The following SLC25A21 variants were observed in gnomAD, a reference collection of about 807,000 sequenced individuals.
SLC25A21 encodes the protein solute carrier family 25 member 21.
SLC25A21 carries 47 observed loss-of-function variants against 43.8 expected under a neutral mutation model. The ratio of observed to expected loss-of-function variants is 1.07; its 90% CI spans 0.85 to 1.37. The LOEUF (loss-of-function observed/expected upper bound fraction) is 1.37. SLC25A21 is among the 40% of genes most tolerant of loss of function. The pLI is 0.00. For missense variants in SLC25A21, 352 were observed against 350.2 expected (o/e 1.00, Z -0.04); for synonymous variants, 131 against 121.3 (o/e 1.08, Z -0.52).
intron 1 of SLC25A21, among the ~76,000 whole-genome samples, chr14:37,040,369 GAGAGAGAAAGAA>G (rs1475050540): frequency 0.02 from 576 of 28,302 alleles, 108 homozygotes; most frequent in African/African-American, 0.11. Flanking sequence ...AAGAGAGAGA[GAGAGAGAAAGAA>G]AGAAAGAAAG....
chr14:37,028,048 T>C (rs1961130827), intron 1 of SLC25A21, among the ~76,000 whole-genome samples: 1 of 152,218 alleles, frequency 6.6e-6, no homozygotes, highest in Non-Finnish European at 1.5e-5. Flanking sequence ...ATATTTTAAC[T>C]TTAAAATGCT....
intron 1 of SLC25A21, among the ~76,000 whole-genome samples, chr14:36,958,018 G>A (rs1020042629): frequency 2.0e-5 from 3 of 152,122 alleles, no homozygotes; most frequent in African/African-American, 7.2e-5. Flanking sequence ...CTGGGTTCAC[G>A]TTAGCAGAAA....
intron 1 of SLC25A21, among the ~76,000 whole-genome samples, chr14:36,919,959 T>C (rs1478714925): frequency 6.6e-6 from 1 of 152,102 alleles, no homozygotes; most frequent in African/African-American, 2.4e-5. Flanking sequence ...TGTATATAGA[T>C]GTGTCCTGAA....
intron 1 of SLC25A21, among the ~76,000 whole-genome samples, chr14:37,058,204 A>G (rs2138808069): frequency 6.6e-6 from 1 of 152,372 alleles, no homozygotes; most frequent in East Asian, 1.9e-4. Context: ...TGTTGAAATA[A>G]GTTCAGAAAA....
intron 6 of SLC25A21, among the ~76,000 whole-genome samples, chr14:36,721,368 G>A (rs1884368025): frequency 6.6e-6 from 1 of 152,170 alleles, no homozygotes; most frequent in Admixed American, 6.5e-5. Context: ...TAGGAAATGT[G>A]AGGCTGTCAC....
intron 2 of SLC25A21, among the ~76,000 whole-genome samples, chr14:36,850,564 C>A (rs1889694728): frequency 6.6e-6 from 1 of 152,162 alleles, no homozygotes; most frequent in Non-Finnish European, 1.5e-5. Context: ...TCAGATTTGA[C>A]TGTCTTTTCT....
chr14:36,826,061 G>A (rs1272596824), intron 2 of SLC25A21, among the ~76,000 whole-genome samples: 1 of 152,226 alleles, frequency 6.6e-6, no homozygotes, highest in African/African-American at 2.4e-5. Flanking sequence ...TTGAATGCCT[G>A]CTCTGTACTG....
intron 1 of SLC25A21, among the ~76,000 whole-genome samples, chr14:37,077,198 G>A (rs1962298713): frequency 6.6e-6 from 1 of 152,082 alleles, no homozygotes; most frequent in African/African-American, 2.4e-5. Context: ...AACAAGCATT[G>A]ATAAAGTTTT....
intron 3 of SLC25A21, among the ~76,000 whole-genome samples, chr14:36,750,821 T>C (rs1885679463): frequency 6.6e-6 from 1 of 152,158 alleles, no homozygotes; most frequent in Admixed American, 6.5e-5. Flanking sequence ...TGCCAGGCAG[T>C]TCCCCAGGAA....
At chr14:37,166,241 G>T (rs1349579982) in intron 1 of SLC25A21, among the ~76,000 whole-genome samples, 2 of 152,172 alleles carry the variant, frequency 1.3e-5, no homozygotes, top group Non-Finnish European at 2.9e-5. Context: ...AATGGATGGA[G>T]AAGTAAAATA....
At chr14:36,886,547 A>G (rs1890918520) in intron 1 of SLC25A21, among the ~76,000 whole-genome samples, 1 of 152,200 alleles carries the variant, frequency 6.6e-6, no homozygotes, top group Non-Finnish European at 1.5e-5. Flanking sequence ...AACTCACTGA[A>G]GAATTTAGGG....
intron 1 of SLC25A21, among the ~76,000 whole-genome samples, chr14:37,046,924 G>A (rs1204285244): frequency 1.3e-5 from 2 of 152,156 alleles, no homozygotes; most frequent in Non-Finnish European, 2.9e-5. Context: ...CTCTGAGTCT[G>A]TCTTAAATAC....
intron 1 of SLC25A21, among the ~76,000 whole-genome samples, chr14:37,008,673 G>C (rs549044400): frequency 6.6e-6 from 1 of 152,310 alleles, no homozygotes; most frequent in South Asian, 2.1e-4. Flanking sequence ...AAGAGGTACA[G>C]CACTCACCAC....
intron 7 of SLC25A21, among the ~76,000 whole-genome samples, chr14:36,690,357 A>G (rs538557541): frequency 1.3e-5 from 2 of 152,184 alleles, no homozygotes; most frequent in Non-Finnish European, 2.9e-5. Context: ...AACAAACCCT[A>G]TGAGTTAGGC....
chr14:37,104,436 G>C (rs547681670), intron 1 of SLC25A21, among the ~76,000 whole-genome samples: 24 of 152,266 alleles, frequency 1.6e-4, no homozygotes, highest in African/African-American at 5.8e-4. Context: ...AACCAACTAA[G>C]ATAGGGAAAT....
At chr14:36,979,888 G>A (rs147786278) in intron 1 of SLC25A21, among the ~76,000 whole-genome samples, 215 of 152,204 alleles carry the variant, frequency 1.4e-3, no homozygotes, top group African/African-American at 4.9e-3. Context: ...CAATTTGTAA[G>A]ACCACAGAGA....
At chr14:37,165,612 T>C (rs1340600397) in intron 1 of SLC25A21, among the ~76,000 whole-genome samples, 2 of 151,944 alleles carry the variant, frequency 1.3e-5, no homozygotes, top group African/African-American at 4.8e-5. Context: ...GGAAGAAAAT[T>C]CAGTGTGGAC....
chr14:36,741,418 A>AATGCAT (rs1264295949), intron 3 of SLC25A21, among the ~76,000 whole-genome samples: 1 of 152,164 alleles, frequency 6.6e-6, no homozygotes, highest in Non-Finnish European at 1.5e-5. Flanking sequence ...TTAAAGAGAA[A>AATGCAT]ATGCATATAA....
intron 2 of SLC25A21, among the ~76,000 whole-genome samples, chr14:36,818,669 A>G (rs938293755): frequency 2.0e-5 from 3 of 152,308 alleles, no homozygotes; most frequent in Admixed American, 2.0e-4. Context: ...ATTACACATG[A>G]CTTATTCTGA....
Sources: allele counts gnomAD v4.1 joint callset (sites outside exome capture counted in the v4.1 genomes callset), GRCh38; gene constraint gnomAD v4.1.1; transcripts MANE v1.5; gene names NCBI Gene and HGNC (gene_info 2026-07-23, HGNC 2026-07-21).